ATG4D: variants seen among roughly 807,000 people sequenced by gnomAD.
ATG4D encodes autophagy related 4D cysteine peptidase.
In ATG4D, 51 loss-of-function variants were observed where a neutral mutation model predicts 55.2. The observed-to-expected ratio is 0.92, with a 90% CI of 0.74 to 1.17. The LOEUF (loss-of-function observed/expected upper bound fraction) is 1.17. Among genes scored for constraint, ATG4D ranks in the 50% most tolerant of loss-of-function variants. The pLI, the probability that ATG4D is intolerant of heterozygous loss-of-function variation, is 0.00. For missense variants in ATG4D, 635 were observed against 649.6 expected, an observed-to-expected ratio of 0.98 and a Z score of 0.25; for synonymous variants, 268 against 266.2, an observed-to-expected ratio of 1.01 and a Z score of -0.07.
At position 10,544,032 on chromosome 19, in the gene ATG4D, T is replaced by C; in HGVS notation, c.-59T>C. On this transcript the variant is annotated 5_prime_UTR_variant, in exon 1 of 10. Coordinates refer to ENST00000309469, the MANE Select transcript of ATG4D (RefSeq NM_032885.6). Reference sequence around the variant, plus strand: ...CCGTGAACCGGCTGCGGGTCGCCCTTGGGGGGCAGCGGCCGCAGCCCCCCA... The same window carrying C: ...CCGTGAACCGGCTGCGGGTCGCCCTCGGGGGGCAGCGGCCGCAGCCCCCCA... The C allele has an allele frequency of 8.5e-7, 1 of 1,172,980 alleles. No homozygotes were observed. The highest frequency in any genetic ancestry group is 1.1e-6 in the Non-Finnish European group (1 of 935,992). 72.7% of individuals were successfully genotyped at this position (1,172,980 alleles called of 1,614,324 possible).
chr19:10,553,279 A>T lies in ATG4D; in HGVS notation c.*212A>T. On this transcript the variant is annotated 3_prime_UTR_variant, in exon 10 of 10. Coordinates refer to ENST00000309469, the MANE Select transcript of ATG4D (RefSeq NM_032885.6). ...ACCAGCGGGGCCCTCCTGGCAGGGT[A>T]GGGAAGGAGGACCCCGGGCACCCCC... 1.6e-6 allele frequency: 1 copy of T among 606,138 alleles called. No individual in the cohort carries two copies. The highest frequency in any genetic ancestry group is 2.9e-5 in the East Asian group (1 of 34,364). 37.5% of individuals were successfully genotyped at this position (606,138 alleles called of 1,614,324 possible).
At chr19:10,549,131 T>G in intron 6 of ATG4D, 97 bp downstream of exon 6, 2 of 1,446,608 alleles carry the variant, frequency 1.4e-6, no homozygotes, top group Non-Finnish European at 1.8e-6. Flanking sequence ...CTCATCACTT[T>G]TTTTTTTTTG....
rs1037530364 is a variant in ATG4D, at chr19:10,547,208, T to G, written c.790T>G (p.Ser264Ala). ...CCCCAGGAAAGCCGTGGAGAGCTGC[T>G]CCGACGTCACCCGCCTGGTGGTGTA... is the stretch of plus-strand genomic sequence containing the variant. ...HILRKAVESC[S>A]DVTRLVVYVS... is the part of the protein sequence containing the mutation. The change falls in exon 5 of 10, where the codon TCC (serine) becomes GCC (alanine). Residue 264 changes from serine (S) to alanine (A), a missense_variant. Ser to Ala is a moderately conservative substitution (Grantham distance 99, BLOSUM62 1). Coordinates refer to ENST00000309469, the MANE Select transcript of ATG4D (RefSeq NM_032885.6). The G allele has an allele frequency of 6.2e-7, 1 of 1,613,882 alleles. No homozygotes were observed. The highest frequency in any genetic ancestry group is 1.3e-5 in the African/African-American group (1 of 74,932).
At chr19:10,547,325 T>G in intron 5 of ATG4D, 72 bp downstream of exon 5, 3 of 1,546,048 alleles carry the variant, frequency 1.9e-6, no homozygotes, top group Non-Finnish European at 1.8e-6. Flanking sequence ...ATTCTTAGAG[T>G]GCATCTTCCT....
intron 3 of ATG4D, among the ~76,000 whole-genome samples, chr19:10,546,182 AGT>A (rs976211627): frequency 2.0e-5 from 3 of 150,842 alleles, no homozygotes; most frequent in Non-Finnish European, 4.4e-5. Context: ...AAATTAGCTG[AGT>A]GTGGTGGCAT....
intron 4 of ATG4D, 30 bp from the exon 5 acceptor site, chr19:10,547,159 A>G (rs1259941773): frequency 6.2e-7 from 1 of 1,612,632 alleles, no homozygotes; most frequent in Middle Eastern, 1.7e-4. Flanking sequence ...GGGTACCCGC[A>G]GGCACTCAGG....
rs776338785 is a variant in ATG4D, at chr19:10,547,036, C to T, written c.691C>T (p.Arg231Trp). 9.5e-6 allele frequency: 15 copies of T among 1,585,182 alleles called. No homozygotes were observed. The highest frequency in any genetic ancestry group is 1.2e-5 in the Non-Finnish European group (14 of 1,167,018). Residue 231 changes from arginine to tryptophan, a missense_variant, in exon 4 of 10, where the codon CGG becomes TGG. Physicochemically the swap from Arg to Trp is moderately radical, Grantham distance 101. Transcript: ENST00000309469. ...CCCCCGGGCCCCCTTTGGCCTACAC[C>T]GGCTGGTGGAGCTTGGGCAGAGCTC... ...DHPRAPFGLHRLVELGQSSGK... is the reference protein window; with the variant it reads ...DHPRAPFGLHWLVELGQSSGK...
intron 1 of ATG4D, 140 bp from the exon 2 acceptor site, chr19:10,544,643 C>A: frequency 6.8e-7 from 1 of 1,471,256 alleles, no homozygotes; most frequent in East Asian, 2.4e-5. Flanking sequence ...CACTGGGGGC[C>A]CCACCTCCGA....
At chr19:10,552,402 G>A (rs1377196151) in intron 9 of ATG4D, 78 bp downstream of exon 9, 18 of 1,502,524 alleles carry the variant, frequency 1.2e-5, no homozygotes, top group East Asian at 7.0e-5. Flanking sequence ...CAGAGGCCTC[G>A]AGTCCAGCAG....
intron 6 of ATG4D, 129 bp downstream of exon 6, chr19:10,549,163 G>T: frequency 7.8e-7 from 1 of 1,281,892 alleles, no homozygotes; most frequent in Non-Finnish European, 1.1e-6. Context: ...CGCTCTTGTT[G>T]CCCAGGCTGG....
chr19:10,544,233 C>G lies in ATG4D; in HGVS notation c.143C>G (p.Ala48Gly), dbSNP rs1205846717. 4.1e-5 allele frequency: 51 copies of G among 1,257,812 alleles called. No homozygotes were observed. Among genetic ancestry groups the G allele is most frequent in the Non-Finnish European group, 4.8e-5 (48 of 993,150 alleles). 77.9% of individuals were successfully genotyped at this position (1,257,812 alleles called of 1,614,324 possible). ...GLGPSGASGP[A>G]LGSPGAGPSE... ...GGGCCTTCCGGAGCCAGCGGCCCCG[C>G]TCTTGGCTCTCCCGGGGCTGGCCCG... The change falls in exon 1 of 10, where the codon GCT (alanine) becomes GGT (glycine). Residue 48 changes from alanine (A) to glycine (G), a missense_variant. Physicochemically the swap from Ala to Gly is moderately conservative, Grantham distance 60. Coordinates refer to ENST00000309469, the MANE Select transcript of ATG4D (RefSeq NM_032885.6).
Position 10,544,849 on chromosome 19 carries a change from A to G in ATG4D, c.302A>G (p.Tyr101Cys), listed in dbSNP as rs748069415. 33 of 1,611,938 alleles carry G rather than the reference A, an allele frequency of 2.0e-5. No homozygotes were observed. The highest frequency in any genetic ancestry group is 2.6e-5 in the Non-Finnish European group (31 of 1,178,874). Residue 101 changes from tyrosine (Y) to cysteine (C), a missense_variant, in exon 2 of 10, where the codon TAC (tyrosine) becomes TGC (cysteine). Coordinates refer to ENST00000309469, the MANE Select transcript of ATG4D (RefSeq NM_032885.6). The part of the protein sequence containing the change: ...ISSIHLCGRR[Y>C]RFEGEGDIQR... ...AGCATCCACCTCTGTGGCCGCCGCT[A>G]CCGTTTCGAGGGCGAGGGTGAGCTG...
chr19:10,550,837 G>T (rs937044991), intron 6 of ATG4D, among the ~76,000 whole-genome samples: 1 of 147,512 alleles, frequency 6.8e-6, no homozygotes, highest in Non-Finnish European at 1.5e-5. Flanking sequence ...TCAGCCTCCC[G>T]AGTAGCTGGG....
intron 5 of ATG4D, among the ~76,000 whole-genome samples, chr19:10,547,941 C>T (rs941941971): frequency 6.8e-6 from 1 of 146,932 alleles, no homozygotes; most frequent in Non-Finnish European, 1.5e-5. Flanking sequence ...AGGTGATTCG[C>T]CCACTTTGGC....
chr19:10,550,521 C>T lies in ATG4D; in HGVS notation c.967-1376C>T, dbSNP rs544488957. ...CCAGTTTTCCCAGTGACCCACAGAG[C>T]CCGGCACTATTTGTCCACACCACCT... On this transcript the variant is annotated intron_variant, in intron 6 of 9. Coordinates refer to ENST00000309469, the MANE Select transcript of ATG4D (RefSeq NM_032885.6). Among the ~76,000 whole-genome samples the T allele has an allele frequency of 3.2e-4, 48 of 152,168 alleles. 1 individual carries two copies. The South Asian group carries it at 1.0e-2, about 32-fold the overall frequency.
chr19:10,552,401 C>G, intron 9 of ATG4D, 77 bp downstream of exon 9: 1 of 1,513,270 alleles, frequency 6.6e-7, no homozygotes, highest in Admixed American at 2.0e-5. Flanking sequence ...ACAGAGGCCT[C>G]GAGTCCAGCA....
chr19:10,545,992 C>T (rs928146816), intron 3 of ATG4D, among the ~76,000 whole-genome samples: 18 of 151,932 alleles, frequency 1.2e-4, no homozygotes, highest in African/African-American at 2.9e-4. Context: ...TATGATCCTG[C>T]CACTGCACTC....
chr19:10,544,808 C>T lies in ATG4D; in HGVS notation c.261C>T (p.Ser87=). ...KYGWVVKSRT[S]FSKISSIHLC... ...GTTGGGTGGTTAAAAGCCGGACCAGCTTTAGCAAGATCTCCAGCATCCACC... is the reference window on the plus strand; with the variant it reads ...GTTGGGTGGTTAAAAGCCGGACCAGTTTTAGCAAGATCTCCAGCATCCACC... The change falls in exon 2 of 10, where the codon AGC becomes AGT. Residue 87 remains serine, a synonymous_variant. Transcript: ENST00000309469. The T allele has an allele frequency of 6.2e-7, 1 of 1,614,170 alleles. No individual in the cohort carries two copies. Among genetic ancestry groups the T allele is most frequent in the African/African-American group, 1.3e-5 (1 of 75,072 alleles).
rs60924749 is a variant in ATG4D at position 10,548,003 on chromosome 19, A to ATTTTTTTTTTTTTTTT, written c.835+780_835+795dup. ...TGAGCCACTGTGCCCAGCCCCTGTA[A>ATTTTTTTTTTTTTTTT]TTTTTTTTTTTTTTTTTTTTTTTTT... On this transcript the variant is annotated intron_variant, in intron 5 of 9. Coordinates refer to ENST00000309469, the MANE Select transcript of ATG4D (RefSeq NM_032885.6). Among the ~76,000 whole-genome samples, 4 of 35,000 alleles carry ATTTTTTTTTTTTTTTT rather than the reference A, an allele frequency of 1.1e-4. 1 individual carries two copies. Among genetic ancestry groups the ATTTTTTTTTTTTTTTT allele is most frequent in the Non-Finnish European group, 2.1e-4 (4 of 19,016 alleles). The allele number at this position is 35,000 out of a possible 152,430, so 23.0% of individuals were successfully genotyped here.
Sources: allele counts gnomAD v4.1 joint callset (sites outside exome capture counted in the v4.1 genomes callset), GRCh38; gene constraint gnomAD v4.1.1; transcripts MANE v1.5; gene names NCBI Gene and HGNC (gene_info 2026-07-23, HGNC 2026-07-21).